The following ASIC2 variants were observed in gnomAD, a reference collection of about 807,000 sequenced individuals.
ASIC2 encodes the protein acid-sensing ion channel 2.
Under a neutral mutation model 57.3 loss-of-function variants are expected in ASIC2, and 25 were observed. The ratio of observed to expected loss-of-function variants is 0.44; its 90% CI spans 0.32 to 0.61. ASIC2 has a LOEUF of 0.61. ASIC2 is among the 20% of genes least tolerant of loss of function. ASIC2 has a pLI of 0.06. For missense variants in ASIC2, 641 were observed against 738.1 expected (o/e 0.87, Z 1.52); for synonymous variants, 319 against 307.5 (o/e 1.04, Z -0.39).
intron 1 of ASIC2, among the ~76,000 whole-genome samples, chr17:33,661,238 G>A (rs559937442): frequency 3.3e-5 from 5 of 152,104 alleles, no homozygotes; most frequent in Non-Finnish European, 7.3e-5. Context: ...CTCGTGTCTC[G>A]CAAGCTACCA....
chr17:33,367,095 G>A (rs749120963), intron 1 of ASIC2, among the ~76,000 whole-genome samples: 2 of 152,240 alleles, frequency 1.3e-5, no homozygotes, highest in Non-Finnish European at 2.9e-5. Context: ...TGGTAATGAA[G>A]CGTGAAGAGT....
At position 33,520,536 on chromosome 17, in the gene ASIC2, A is replaced by C. The variant is rs143341561; in HGVS notation, c.556-408469T>G. ...CCTGGGATTAATCACCCAGTCCAGTACAGTCGTATTAATTTGGTGCCCAGC... is the reference window on the plus strand; with the variant it reads ...CCTGGGATTAATCACCCAGTCCAGTCCAGTCGTATTAATTTGGTGCCCAGC... On this transcript the variant is annotated intron_variant, in intron 1 of 9. Transcript: ENST00000359872. Among the ~76,000 whole-genome samples the C allele has an allele frequency of 3.3e-3, 503 of 152,336 alleles. 3 individuals carry two copies. The highest frequency in any genetic ancestry group is 0.011 in the African/African-American group (471 of 41,576).
chr17:33,388,109 A>AAACAAC (rs568891369), intron 1 of ASIC2, among the ~76,000 whole-genome samples: 1 of 151,712 alleles, frequency 6.6e-6, no homozygotes, highest in Non-Finnish European at 1.5e-5. Flanking sequence ...AAACAAAACA[A>AAACAAC]AACAACAACA....
chr17:33,577,723 ATG>A (rs1029586920), intron 1 of ASIC2, among the ~76,000 whole-genome samples: 107 of 152,214 alleles, frequency 7.0e-4, no homozygotes, highest in Admixed American at 4.1e-3. Flanking sequence ...CAACTGAGAG[ATG>A]TCCCAGATAT....
At chr17:33,424,572 A>C (rs942552986) in intron 1 of ASIC2, among the ~76,000 whole-genome samples, 2 of 152,258 alleles carry the variant, frequency 1.3e-5, no homozygotes, top group Admixed American at 1.3e-4. Flanking sequence ...TAATGTCTTT[A>C]TCTGGAGCTG....
At chr17:33,961,231 G>A (rs1006638222) in intron 1 of ASIC2, among the ~76,000 whole-genome samples, 1 of 152,210 alleles carries the variant, frequency 6.6e-6, no homozygotes, top group East Asian at 1.9e-4. Context: ...TGAACCAAGT[G>A]CATAAGAGGA....
At chr17:34,019,337 G>C (rs1213609885) in intron 1 of ASIC2, among the ~76,000 whole-genome samples, 4 of 152,166 alleles carry the variant, frequency 2.6e-5, no homozygotes, top group Admixed American at 1.3e-4. Flanking sequence ...CTCCAATTTT[G>C]AAAGAAGTAC....
chr17:33,332,526 T>G (rs780576282), intron 1 of ASIC2, among the ~76,000 whole-genome samples: 6 of 152,120 alleles, frequency 3.9e-5, no homozygotes, highest in Non-Finnish European at 7.3e-5. Flanking sequence ...GAGACACATG[T>G]GCTAGTGGTT....
chr17:33,951,957 G>C lies in ASIC2; in HGVS notation c.555+204021C>G, dbSNP rs73276607. ...AATATCACCCTTGATACATTTCAGA[G>C]GAGGGGAGCACTGGTTACACACGTG... On this transcript the variant is annotated intron_variant, in intron 1 of 9. Transcript: ENST00000359872. 2.1e-3 allele frequency among the ~76,000 whole-genome samples: 321 copies of C among 152,186 alleles called. 3 individuals are homozygous for C. Among genetic ancestry groups the C allele is most frequent in the African/African-American group, 7.4e-3 (309 of 41,536 alleles).
chr17:33,452,361 A>C (rs2141990791), intron 1 of ASIC2, among the ~76,000 whole-genome samples: 1 of 152,362 alleles, frequency 6.6e-6, no homozygotes, highest in East Asian at 1.9e-4. Flanking sequence ...GGCTTAAATC[A>C]GATAGCTTTG....
chr17:33,629,620 G>A (rs929328305), intron 1 of ASIC2, among the ~76,000 whole-genome samples: 2 of 152,196 alleles, frequency 1.3e-5, no homozygotes, highest in Non-Finnish European at 2.9e-5. Context: ...ATTTCCCTGG[G>A]AGAGCTGGGA....
At chr17:33,866,499 A>T (rs373297841) in intron 1 of ASIC2, among the ~76,000 whole-genome samples, 3 of 152,268 alleles carry the variant, frequency 2.0e-5, no homozygotes, top group South Asian at 2.1e-4. Flanking sequence ...CTGAGCACTT[A>T]TGTGATTATT....
chr17:33,198,228 C>A (rs989702547), intron 1 of ASIC2, among the ~76,000 whole-genome samples: 5 of 152,130 alleles, frequency 3.3e-5, no homozygotes, highest in Non-Finnish European at 7.3e-5. Context: ...GGGCATGCAC[C>A]TGTAGTCCCA....
intron 3 of ASIC2, among the ~76,000 whole-genome samples, chr17:33,086,125 C>T (rs894634108): frequency 3.3e-5 from 5 of 152,092 alleles, no homozygotes; most frequent in African/African-American, 1.2e-4. Context: ...GTCATAGCTC[C>T]GACTTCCCAC....
At chr17:34,029,394 AT>A (rs1187731566) in intron 1 of ASIC2, among the ~76,000 whole-genome samples, 42 of 148,192 alleles carry the variant, frequency 2.8e-4, no homozygotes, top group Non-Finnish European at 4.9e-4. Flanking sequence ...AAAAAAAAAA[AT>A]AGTAAAATTT....
chr17:33,886,014 C>A lies in ASIC2; in HGVS notation c.555+269964G>T, dbSNP rs149229216. On this transcript the variant is annotated intron_variant, in intron 1 of 9. Coordinates refer to the ASIC2 transcript ENST00000359872. ...ACCTTGCATAAAGTAGACAGCAAGG[C>A]AATAAATGTGCAGCAGAATTTATCA... Among the ~76,000 whole-genome samples, 7 of 152,262 alleles carry A rather than the reference C, an allele frequency of 4.6e-5. No individual in the cohort carries two copies. The East Asian group carries it at 1.4e-3, about 29-fold the overall frequency.
intron 1 of ASIC2, among the ~76,000 whole-genome samples, chr17:33,386,146 CCTCT>C (rs1454599687): frequency 2.0e-5 from 3 of 151,994 alleles, no homozygotes; most frequent in African/African-American, 7.3e-5. Flanking sequence ...AATTCTTTTC[CCTCT>C]CTATTTTCTC....
intron 1 of ASIC2, among the ~76,000 whole-genome samples, chr17:34,089,898 T>A (rs1910262050): frequency 6.6e-6 from 1 of 152,180 alleles, no homozygotes; most frequent in South Asian, 2.1e-4. Context: ...AATTTATTCA[T>A]CCCTTAATAC....
chr17:33,575,739 A>C (rs1253608608), intron 1 of ASIC2, among the ~76,000 whole-genome samples: 1 of 152,216 alleles, frequency 6.6e-6, no homozygotes, highest in Non-Finnish European at 1.5e-5. Context: ...ATTTGAAACA[A>C]GTGAGTCAAG....
Sources: gnomAD v4.1 joint callset for allele counts (sites outside exome capture counted in the v4.1 genomes callset) on GRCh38, gnomAD v4.1.1 for gene constraint, MANE v1.5 for transcripts, NCBI Gene and HGNC (gene_info 2026-07-23, HGNC 2026-07-21) for gene names.